The following RYR2 variants were observed in gnomAD, a reference collection of about 807,000 sequenced individuals.
RYR2 encodes the protein cardiac muscle ryanodine receptor-calcium release channel.
RYR2 carries 227 observed loss-of-function variants against 601.1 expected under a neutral mutation model. That is an observed-to-expected ratio of 0.38 (90% confidence interval 0.34 to 0.42). RYR2 has a LOEUF of 0.42. Ranked by LOEUF, RYR2 falls within the 10% of genes least tolerant of loss-of-function variation. RYR2 has a pLI of 1.00. For missense variants in RYR2, 4,646 were observed against 6,156.5 expected (o/e 0.75, Z 8.21); for synonymous variants, 2,223 against 2,175.1 (o/e 1.02, Z -0.61).
intron 35 of RYR2, among the ~76,000 whole-genome samples, chr1:237,603,335 C>G (rs1395758604): frequency 6.6e-6 from 1 of 152,044 alleles, no homozygotes; most frequent in Non-Finnish European, 1.5e-5. Context: ...GCCCCTGGTG[C>G]CCCCCTGTCC....
chr1:237,618,369 C>A (rs993435368), intron 38 of RYR2, among the ~76,000 whole-genome samples: 1 of 152,124 alleles, frequency 6.6e-6, no homozygotes, highest in East Asian at 1.9e-4. Context: ...TTTCCCGATT[C>A]TTCCTTTTAA....
intron 16 of RYR2, among the ~76,000 whole-genome samples, chr1:237,465,878 A>G (rs1572449356): frequency 6.6e-6 from 1 of 152,338 alleles, no homozygotes; most frequent in East Asian, 1.9e-4. Context: ...ATATAGTCTT[A>G]TGGTCTTAAG....
chr1:237,805,501 A>T (rs897769296), intron 98 of RYR2, among the ~76,000 whole-genome samples: 1 of 149,316 alleles, frequency 6.7e-6, no homozygotes, highest in African/African-American at 2.5e-5. Context: ...GAATGGCATG[A>T]ACCTGGGAGG....
Position 237,611,380 on chromosome 1 carries a change from A to G in RYR2, c.4910+392A>G, listed in dbSNP as rs1039273110. Among the ~76,000 whole-genome samples the G allele has an allele frequency of 2.0e-5, 3 of 152,204 alleles. No homozygotes were observed. In the East Asian group the frequency reaches 5.8e-4, roughly 29 times the overall value. On this transcript the variant is annotated intron_variant, in intron 36 of 104. Coordinates refer to ENST00000366574, the MANE Select transcript of RYR2 (RefSeq NM_001035.3). ...ATCATAAGAATCACTTATGATTCCT[A>G]TGTTCAACCCTTCATTTTATAGATG... is the stretch of plus-strand genomic sequence containing the variant.
chr1:237,718,085 C>G (rs1396474788), intron 72 of RYR2, among the ~76,000 whole-genome samples: 2 of 152,154 alleles, frequency 1.3e-5, no homozygotes, highest in Admixed American at 1.3e-4. Context: ...TTGCATTTTC[C>G]TTGCTATTAC....
At position 237,569,202 on chromosome 1, in the gene RYR2, G is replaced by T. The variant is rs372761438; in HGVS notation, c.3481G>T (p.Val1161Phe). ...TGGGCGCTCTTGGCAAGCAGGCGAT[G>T]TCGTGGGGTGTATGGTTGACATGAA... ...HYGRSWQAGD[V>F]VGCMVDMNEH... Residue 1161 changes from valine to phenylalanine, a missense_variant, in exon 29 of 105, where the codon GTC becomes TTC. Physicochemically the swap from Val to Phe is conservative, Grantham distance 50. Transcript: ENST00000366574. The T allele has an allele frequency of 1.9e-6, 3 of 1,613,980 alleles. No individual in the cohort carries two copies. In the Admixed American group the frequency reaches 5.0e-5, roughly 27 times the overall value.
In RYR2 at chr1:237,437,294, C is replaced by T. The variant is rs922664410; in HGVS notation, c.1006-4025C>T. On this transcript the variant is annotated intron_variant, in intron 12 of 104. Transcript: ENST00000366574. ...GTCTTGATCTCCTGACCTCATGATC[C>T]GCCCACCTCGGCCTCCTAAAGTGCT... Among the ~76,000 whole-genome samples, 4 of 152,036 alleles carry T rather than the reference C, an allele frequency of 2.6e-5. 1 individual carries two copies. Among genetic ancestry groups the T allele is most frequent in the Non-Finnish European group, 2.9e-5 (2 of 67,996 alleles).
intron 1 of RYR2, among the ~76,000 whole-genome samples, chr1:237,224,503 T>C (rs574095869): frequency 6.6e-6 from 1 of 152,324 alleles, no homozygotes; most frequent in South Asian, 2.1e-4. Context: ...TAGTAATAGC[T>C]AACATTTATT....
At chr1:237,594,974 T>C (rs986474268) in intron 33 of RYR2, among the ~76,000 whole-genome samples, 2 of 133,402 alleles carry the variant, frequency 1.5e-5, no homozygotes, top group Non-Finnish European at 3.1e-5. Flanking sequence ...CTGGGAATTG[T>C]CCAGAAAGGG....
At chr1:237,613,889 A>G (rs1678171181) in intron 36 of RYR2, 150 bp from the exon 37 acceptor site, 2 of 696,252 alleles carry the variant, frequency 2.9e-6, no homozygotes, top group East Asian at 2.7e-5. Context: ...TCTGGTCCCA[A>G]GCATTTCAGA....
chr1:237,487,134 T>C (rs984683221), intron 17 of RYR2, among the ~76,000 whole-genome samples: 3 of 152,166 alleles, frequency 2.0e-5, no homozygotes, highest in Non-Finnish European at 4.4e-5. Flanking sequence ...AACCATAAGC[T>C]TCACGACTAT....
chr1:237,743,926 G>A (rs182545586), intron 80 of RYR2, among the ~76,000 whole-genome samples: 1 of 152,158 alleles, frequency 6.6e-6, no homozygotes, highest in Non-Finnish European at 1.5e-5. Flanking sequence ...TTAAGCCAGG[G>A]ACTTCTCATT....
rs139160912 is a variant in RYR2 at position 237,773,370 on chromosome 1, T to C, written c.11647-150T>C. On this transcript the variant is annotated intron_variant, in intron 86 of 104. Transcript: ENST00000366574. ...ACATATTGTATGTTTAGGAAATTCA[T>C]TGAAGAATGATATTTACTTCACAGA... 34 of 542,600 alleles carry C rather than the reference T, an allele frequency of 6.3e-5. No homozygotes were observed. In the Admixed American group the frequency reaches 1.1e-3, roughly 17 times the overall value. The allele number at this position is 542,600 out of a possible 1,614,324, so 33.6% of individuals were successfully genotyped here. A position where few individuals can be genotyped will look rare whatever the true frequency, so the allele number is the denominator to read the frequency against.
At chr1:237,730,030 TG>T in intron 76 of RYR2, among the ~76,000 whole-genome samples, 1 of 152,164 alleles carries the variant, frequency 6.6e-6, no homozygotes, top group Non-Finnish European at 1.5e-5. Flanking sequence ...TCGAGTCACT[TG>T]ACCAATGTTA....
In RYR2 at chr1:237,432,203, C is replaced by CTT. The variant is rs61707333; in HGVS notation, c.1005+8961_1005+8962dup. 9.0e-3 allele frequency among the ~76,000 whole-genome samples: 1,340 copies of CTT among 149,552 alleles called. 10 individuals are homozygous for CTT. The highest frequency in any genetic ancestry group is 0.011 in the African/African-American group (443 of 40,940). ...TGTATCCCAGAGCAATGACTTTAGG[C>CTT]TTTTTTTAAAAAAAAATGCCTTTTA... On this transcript the variant is annotated intron_variant, in intron 12 of 104. Coordinates refer to ENST00000366574, the MANE Select transcript of RYR2 (RefSeq NM_001035.3).
intron 29 of RYR2, among the ~76,000 whole-genome samples, chr1:237,574,986 G>A (rs1179462291): frequency 6.6e-6 from 1 of 152,164 alleles, no homozygotes; most frequent in African/African-American, 2.4e-5. Flanking sequence ...CATAGCAATA[G>A]AAAACCGGTA....
Position 237,633,561 on chromosome 1 carries a change from A to G in RYR2, c.6556-17A>G. 6.2e-7 allele frequency: 1 copy of G among 1,613,536 alleles called. No homozygotes were observed. Among genetic ancestry groups the G allele is most frequent in the East Asian group, 2.2e-5 (1 of 44,870 alleles). ...GGTCGTTTGCTTTCAGCAGCTAATG[A>G]CATGCTTTATCTGTAGGAAATCACC... On this transcript the variant is annotated splice_polypyrimidine_tract_variant and intron_variant, in intron 42 of 104. Coordinates refer to ENST00000366574, the MANE Select transcript of RYR2 (RefSeq NM_001035.3).
Position 237,469,126 on chromosome 1 carries a change from T to C in RYR2, c.1647T>C (p.Ala549=), listed in dbSNP as rs1553462870. 1 of 1,613,462 alleles carries C rather than the reference T, an allele frequency of 6.2e-7. No individual in the cohort carries two copies. The highest frequency in any genetic ancestry group is 1.3e-5 in the African/African-American group (1 of 75,014). ...TTAGAGGAAATCGTAAAAACTGTGCTCAATTTTCTGGCTCCCTCGACTGGT... is the reference window on the plus strand; with the variant it reads ...TTAGAGGAAATCGTAAAAACTGTGCCCAATTTTCTGGCTCCCTCGACTGGT... The part of the protein sequence containing the change: ...ALIRGNRKNC[A]QFSGSLDWLI... Residue 549 remains alanine, a synonymous_variant, in exon 17 of 105, where the codon GCT becomes GCC. Coordinates refer to ENST00000366574, the MANE Select transcript of RYR2 (RefSeq NM_001035.3).
intron 5 of RYR2, 72 bp downstream of exon 5, chr1:237,364,444 T>C: frequency 3.9e-6 from 3 of 766,482 alleles, no homozygotes; most frequent in Non-Finnish European, 6.2e-6. Context: ...TATATATGTA[T>C]GTATCTGCAT....
Sources: gnomAD v4.1 joint callset for allele counts (sites outside exome capture counted in the v4.1 genomes callset) on GRCh38, gnomAD v4.1.1 for gene constraint, MANE v1.5 for transcripts, NCBI Gene and HGNC (gene_info 2026-07-23, HGNC 2026-07-21) for gene names.